ESCO1: variants seen among roughly 807,000 people sequenced by gnomAD.
The protein encoded by ESCO1 is establishment of sister chromatid cohesion N-acetyltransferase 1, also known as N-acetyltransferase ESCO1.
ESCO1 carries 33 observed loss-of-function variants against 83.5 expected under a neutral mutation model. The observed-to-expected ratio is 0.40, with a 90% CI of 0.30 to 0.53. The LOEUF (loss-of-function observed/expected upper bound fraction) is 0.53. ESCO1 is among the 20% of genes least tolerant of loss of function. The probability of loss-of-function intolerance (pLI) is 0.63; values close to 1 mark genes in which losing one functional copy is unlikely to be tolerated. For missense variants in ESCO1, 855 were observed against 968.0 expected, an observed-to-expected ratio of 0.88 and a Z score of 1.55; for synonymous variants, 332 against 324.3, an observed-to-expected ratio of 1.02 and a Z score of -0.25.
rs35031202 is a variant in ESCO1 at position 21,540,013 on chromosome 18, G to GATATAT, written c.1954-10_1954-5dup. ...GAATTCTTTCTTTCTTCCAGCCCTA[G>GATATAT]ATATATATATATATATATACACACA... On this transcript the variant is annotated splice_polypyrimidine_tract_variant and splice_region_variant and intron_variant, in intron 8 of 11. Coordinates refer to ENST00000269214, the MANE Select transcript of ESCO1 (RefSeq NM_052911.3). The GATATAT allele has an allele frequency of 8.0e-7, 1 of 1,257,022 alleles. No homozygotes were observed. The highest frequency in any genetic ancestry group is 1.1e-6 in the Non-Finnish European group (1 of 899,288). 77.9% of individuals were successfully genotyped at this position (1,257,022 alleles called of 1,614,324 possible).
At chr18:21,537,047 A>T (rs2037846568) in intron 9 of ESCO1, among the ~76,000 whole-genome samples, 1 of 152,208 alleles carries the variant, frequency 6.6e-6, no homozygotes, top group South Asian at 2.1e-4. Context: ...AAAGTTAAAG[A>T]ACTTTCCCAT....
chr18:21,569,123 T>A (rs62090764), intron 4 of ESCO1, among the ~76,000 whole-genome samples: 2,705 of 152,320 alleles, frequency 0.018, 37 homozygotes, highest in Non-Finnish European at 0.03. Context: ...TAGCTGTTCT[T>A]CATCTACTTT....
chr18:21,574,267 C>T lies in ESCO1; in HGVS notation c.577G>A (p.Val193Ile), dbSNP rs1191723033. 3.7e-6 allele frequency: 6 copies of T among 1,613,774 alleles called. No individual in the cohort carries two copies. Among genetic ancestry groups the T allele is most frequent in the Non-Finnish European group, 4.2e-6 (5 of 1,179,980 alleles). ...GGAGAATTTATTACTTCATTAATTA[C>T]TAGATTTTCATCTTCTTTAGAGTCA... ...KSDSKEDENL[V>I]INEVINSPKG... Residue 193 changes from valine to isoleucine, a missense_variant, in exon 4 of 12, where the codon GTA becomes ATA. Transcript: ENST00000269214.
chr18:21,557,234 T>C (rs1483379171), intron 8 of ESCO1, among the ~76,000 whole-genome samples: 1 of 152,326 alleles, frequency 6.6e-6, no homozygotes, highest in Non-Finnish European at 1.5e-5. Context: ...AAAGTCCATA[T>C]AGCTTTCAAA....
At chr18:21,531,202 G>A (rs1475720433) in intron 11 of ESCO1, among the ~76,000 whole-genome samples, 2 of 152,100 alleles carry the variant, frequency 1.3e-5, no homozygotes, top group Admixed American at 1.3e-4. Flanking sequence ...AGCATTTTGG[G>A]AGGCCAAGGT....
intron 8 of ESCO1, among the ~76,000 whole-genome samples, chr18:21,560,325 A>ATT (rs36024258): frequency 0.22 from 31,969 of 142,988 alleles, 4,233 homozygotes; most frequent in East Asian, 0.44. Flanking sequence ...CTCTGTGGGA[A>ATT]TTTTTTTTTT....
chr18:21,560,210 A>C (rs2038164568), intron 8 of ESCO1, among the ~76,000 whole-genome samples: 1 of 152,240 alleles, frequency 6.6e-6, no homozygotes, highest in South Asian at 2.1e-4. Context: ...GAAATGGTTC[A>C]ATATTGCTAA....
Position 21,556,348 on chromosome 18 carries a change from T to C in ESCO1, c.1953+4511A>G, listed in dbSNP as rs150654748. Among the ~76,000 whole-genome samples the C allele has an allele frequency of 3.5e-3, 539 of 152,344 alleles. 4 individuals carry two copies. The highest frequency in any genetic ancestry group is 0.012 in the African/African-American group (516 of 41,586). Reference sequence around the variant, plus strand: ...TTTCTCTAATGCCCAGTTTCCTCTTTTTCCTAACAATCTTGAAAAGGAATA... The same window carrying C: ...TTTCTCTAATGCCCAGTTTCCTCTTCTTCCTAACAATCTTGAAAAGGAATA... On this transcript the variant is annotated intron_variant, in intron 8 of 11. Coordinates refer to ENST00000269214, the MANE Select transcript of ESCO1 (RefSeq NM_052911.3).
rs527392587 is a variant in ESCO1 at position 21,595,662 on chromosome 18, C to A, written c.-825+4961G>T. Among the ~76,000 whole-genome samples, 10 of 140,296 alleles carry A rather than the reference C, an allele frequency of 7.1e-5. No homozygotes were observed. The South Asian group carries it at 2.0e-3, about 28-fold the overall frequency. The allele number at this position is 140,296 out of a possible 152,430, so 92.0% of individuals were successfully genotyped here. The stretch of plus-strand genomic sequence containing the variant: ...TAGCAGGGGCAACAGAGCGAGACTC[C>A]GACTCCAAAAAAAAAAATAGGCGGG... On this transcript the variant is annotated intron_variant, in intron 1 of 11. Transcript: ENST00000269214.
chr18:21,573,539 T>C lies in ESCO1; in HGVS notation c.1305A>G (p.Gln435=), dbSNP rs1767783518. ...PALEMHHPVT[Q]STFLGTKLHD... is the part of the protein sequence containing the mutation. ...GTAGCTTTGTCCCTAAAAACGTACT[T>C]TGAGTCACTGGATGATGCATTTCTA... Residue 435 remains glutamine, a synonymous_variant, in exon 4 of 12, where the codon CAA becomes CAG. Coordinates refer to ENST00000269214, the MANE Select transcript of ESCO1 (RefSeq NM_052911.3). The C allele has an allele frequency of 5.0e-6, 8 of 1,614,054 alleles. No individual in the cohort carries two copies. The highest frequency in any genetic ancestry group is 6.8e-6 in the Non-Finnish European group (8 of 1,180,002).
intron 9 of ESCO1, among the ~76,000 whole-genome samples, chr18:21,537,767 T>C (rs774104511): frequency 1.2e-4 from 19 of 152,208 alleles, no homozygotes; most frequent in Non-Finnish European, 1.5e-5. Flanking sequence ...AAAGTCTGGT[T>C]GCCATATATG....
In ESCO1 at chr18:21,547,473, C is replaced by T. The variant is rs138852928; in HGVS notation, c.1954-7464G>A. Among the ~76,000 whole-genome samples, 1,075 of 152,070 alleles carry T rather than the reference C, an allele frequency of 7.1e-3. 2 individuals are homozygous for T. Among genetic ancestry groups the T allele is most frequent in the Non-Finnish European group, 0.011 (753 of 68,002 alleles). On this transcript the variant is annotated intron_variant, in intron 8 of 11. Transcript: ENST00000269214. ...GCTCACTTTCTTTTCTACTATGCCACACTGACCTCAAGAATCTTATAAATC... is the reference window on the plus strand; with the variant it reads ...GCTCACTTTCTTTTCTACTATGCCATACTGACCTCAAGAATCTTATAAATC...
chr18:21,540,734 T>C, intron 8 of ESCO1: 8 of 1,249,076 alleles, frequency 6.4e-6, no homozygotes, highest in Non-Finnish European at 8.2e-6. Flanking sequence ...CAAAAGCCAC[T>C]TAAATCTAGT....
In ESCO1 at chr18:21,575,346, A is replaced by G; in HGVS notation, c.-503T>C. The G allele has an allele frequency of 2.5e-6, 1 of 397,768 alleles. No individual in the cohort carries two copies. Among genetic ancestry groups the G allele is most frequent in the Non-Finnish European group, 4.4e-6 (1 of 225,568 alleles). The allele number at this position is 397,768 out of a possible 1,614,324, so 24.6% of individuals were successfully genotyped here. On this transcript the variant is annotated 5_prime_UTR_variant, in exon 4 of 12. Coordinates refer to ENST00000269214, the MANE Select transcript of ESCO1 (RefSeq NM_052911.3). ...AACACGTTTCTTTCCTTGTTTGCTGAGTCTGTTGGTTTGCAGTTCTTATCT... is the reference window on the plus strand; with the variant it reads ...AACACGTTTCTTTCCTTGTTTGCTGGGTCTGTTGGTTTGCAGTTCTTATCT...
At chr18:21,593,460 CGCGCCT>C (rs2038712429) in intron 1 of ESCO1, 1 of 152,788 alleles carries the variant, frequency 6.5e-6, no homozygotes, top group Non-Finnish European at 1.5e-5. Context: ...CGTGGCGGCG[CGCGCCT>C]GCAATCGCAG....
chr18:21,559,418 T>C (rs1340940494), intron 8 of ESCO1, among the ~76,000 whole-genome samples: 1 of 152,206 alleles, frequency 6.6e-6, no homozygotes, highest in Non-Finnish European at 1.5e-5. Flanking sequence ...TCAACTTCCC[T>C]TGACATCTTG....
chr18:21,531,271 G>A (rs1167846439), intron 11 of ESCO1, among the ~76,000 whole-genome samples: 5 of 151,668 alleles, frequency 3.3e-5, no homozygotes, highest in East Asian at 2.0e-4. Flanking sequence ...GCAAGACTCC[G>A]ACTGTACCAA....
Position 21,560,987 on chromosome 18 carries a change from C to T in ESCO1, c.1825G>A (p.Ala609Thr). Residue 609 changes from alanine (A) to threonine (T), a missense_variant, in exon 8 of 12, where the codon GCA becomes ACA. This residue lies in a region of ESCO1 where 726 missense variants were observed against 699.5 expected (regional missense o/e 1.04). Coordinates refer to ENST00000269214, the MANE Select transcript of ESCO1 (RefSeq NM_052911.3). The stretch of plus-strand genomic sequence containing the variant: ...ACTGCTCCAAATCTTTTTTGTCCTG[C>T]ATCCTATTTACAAAAAACACACAAA... ...KTDEKQLIIDAGQKRFGAVSC... is the reference protein window; with the variant it reads ...KTDEKQLIIDTGQKRFGAVSC... 6.3e-7 allele frequency: 1 copy of T among 1,579,514 alleles called. No individual in the cohort carries two copies. The highest frequency in any genetic ancestry group is 1.4e-5 in the African/African-American group (1 of 73,604).
rs569160294 is a variant in ESCO1, at chr18:21,563,212, G to T, written c.1821+991C>A. Among the ~76,000 whole-genome samples, 48 of 151,974 alleles carry T rather than the reference G, an allele frequency of 3.2e-4. 1 individual carries two copies. The South Asian group carries it at 9.2e-3, about 29-fold the overall frequency. On this transcript the variant is annotated intron_variant, in intron 7 of 11. Transcript: ENST00000269214. ...TAACATTTAAATCAACTACTGAAAG[G>T]AGGTAGTGATCAAATGACAAATCTA...
Sources: allele counts gnomAD v4.1 joint callset (sites outside exome capture counted in the v4.1 genomes callset), GRCh38; gene constraint gnomAD v4.1.1; regional missense constraint gnomAD v4.1.1; transcripts MANE v1.5; gene names NCBI Gene and HGNC (gene_info 2026-07-23, HGNC 2026-07-21).